PTBP2: variants seen among roughly 807,000 people sequenced by gnomAD.
The protein encoded by PTBP2 is polypyrimidine tract binding protein 2, also known as polypyrimidine tract-binding protein 2.
A neutral mutation model predicts 61.4 loss-of-function variants in PTBP2; 13 were observed. The ratio of observed to expected loss-of-function variants is 0.21; its 90% confidence interval spans 0.14 to 0.34. PTBP2 has a LOEUF of 0.34. Among genes scored for constraint, PTBP2 ranks in the 10% least tolerant of loss-of-function variants. The pLI, the probability that PTBP2 is intolerant of heterozygous loss-of-function variation, is 1.00. For synonymous variants in PTBP2, 215 were observed against 218.5 expected, an observed-to-expected ratio of 0.98 and a Z score of 0.14; for missense variants, 405 against 642.6, an observed-to-expected ratio of 0.63 and a Z score of 4.00.
rs544677496 is a variant in PTBP2, at chr1:96,749,746, A to G, written c.40-1679A>G. Reference sequence around the variant, plus strand: ...ACATTGTACTTGGTTGACACTTGGGAATATTGTAGTGAGCACTACTGATGT... The same window carrying G: ...ACATTGTACTTGGTTGACACTTGGGGATATTGTAGTGAGCACTACTGATGT... On this transcript the variant is annotated intron_variant, in intron 2 of 13. Coordinates refer to ENST00000674951, the MANE Select transcript of PTBP2 (RefSeq NM_021190.4). 2 of 447,004 alleles carry G rather than the reference A, an allele frequency of 4.5e-6. 1 individual carries two copies. Among genetic ancestry groups the G allele is most frequent in the African/African-American group, 4.0e-5 (2 of 50,070 alleles). The allele number at this position is 447,004 out of a possible 1,614,324, so 27.7% of individuals were successfully genotyped here.
intron 2 of PTBP2, among the ~76,000 whole-genome samples, chr1:96,731,836 G>A (rs1651462203): frequency 2.0e-5 from 3 of 152,056 alleles, no homozygotes; most frequent in Admixed American, 2.0e-4. Context: ...TGTAATATCA[G>A]GGGTGTCATT....
intron 2 of PTBP2, among the ~76,000 whole-genome samples, chr1:96,728,026 G>T (rs1212701294): frequency 1.3e-5 from 2 of 151,918 alleles, no homozygotes; most frequent in Admixed American, 6.6e-5. Flanking sequence ...ACCTGACTCT[G>T]TCACCCCAGC....
At chr1:96,799,364 C>T (rs1382472346) in intron 8 of PTBP2, among the ~76,000 whole-genome samples, 2 of 132,114 alleles carry the variant, frequency 1.5e-5, no homozygotes, top group Non-Finnish European at 3.1e-5. Context: ...GGTGCGATCT[C>T]GGCTCACTGC....
At chr1:96,722,931 C>G (rs1311018893) in intron 1 of PTBP2, among the ~76,000 whole-genome samples, 1 of 152,140 alleles carries the variant, frequency 6.6e-6, no homozygotes, top group East Asian at 1.9e-4. Flanking sequence ...GTATGCAGCT[C>G]TTTTGGGAGT....
In PTBP2 at chr1:96,813,291, T is replaced by A; in HGVS notation, c.1482T>A (p.Ala494=). The change falls in exon 14 of 14, where the codon GCT becomes GCA. Residue 494 remains alanine (A), a synonymous_variant. Transcript: ENST00000674951. ...AFKFFQDHKM[A]LLQMATVEEA... is the part of the protein sequence containing the mutation. ...GTTTCAGAAGAGATCACAAAATGGC[T>A]CTTCTTCAGATGGCAACAGTGGAAG... is the stretch of plus-strand genomic sequence containing the variant. The A allele has an allele frequency of 5.6e-6, 9 of 1,602,448 alleles. No individual in the cohort carries two copies. Among genetic ancestry groups the A allele is most frequent in the Non-Finnish European group, 7.6e-6 (9 of 1,176,658 alleles).
rs761961255 is a variant in PTBP2 at position 96,813,046 on chromosome 1, A to G, written c.1406A>G (p.Glu469Gly). Residue 469 changes from glutamate (E) to glycine (G), a missense_variant, in exon 13 of 14, where the codon GAG (glutamate) becomes GGG (glycine). Coordinates refer to ENST00000674951, the MANE Select transcript of PTBP2 (RefSeq NM_021190.4). Reference protein sequence around the residue: ...LSNIPPSVAEEDLRTLFANTG... With the variant: ...LSNIPPSVAEGDLRTLFANTG... ...TTTCCTAGTCCATCAGTAGCAGAAG[A>G]GGATCTACGAACACTGTTCGCTAAC... The G allele has an allele frequency of 1.2e-6, 2 of 1,613,256 alleles. No individual in the cohort carries two copies. Among genetic ancestry groups the G allele is most frequent in the Non-Finnish European group, 1.7e-6 (2 of 1,179,360 alleles).
intron 2 of PTBP2, among the ~76,000 whole-genome samples, chr1:96,737,300 T>C (rs7513314): frequency 0.34 from 51,283 of 152,082 alleles, 8,865 homozygotes; most frequent in South Asian, 0.44. Context: ...ATGTGGCTAA[T>C]AGAAATTTAT....
chr1:96,813,443 T>C lies in PTBP2; in HGVS notation c.*38T>C. 1 of 1,520,012 alleles carries C rather than the reference T, an allele frequency of 6.6e-7. No homozygotes were observed. Among genetic ancestry groups the C allele is most frequent in the Non-Finnish European group, 8.9e-7 (1 of 1,127,484 alleles). 94.2% of individuals were successfully genotyped at this position (1,520,012 alleles called of 1,614,324 possible). ...GAAGATTGGGGGTGAATCACATTGT[T>C]CAATGTCATCACCTATTTGACTGTT... On this transcript the variant is annotated 3_prime_UTR_variant, in exon 14 of 14. Coordinates refer to ENST00000674951, the MANE Select transcript of PTBP2 (RefSeq NM_021190.4).
chr1:96,807,676 G>A (rs958186829), intron 11 of PTBP2, among the ~76,000 whole-genome samples: 2 of 152,106 alleles, frequency 1.3e-5, no homozygotes, highest in Non-Finnish European at 2.9e-5. Context: ...TTGATGTAAG[G>A]ACGAGTGTAT....
chr1:96,797,885 A>G (rs1182709844), intron 8 of PTBP2, among the ~76,000 whole-genome samples: 1 of 152,100 alleles, frequency 6.6e-6, no homozygotes, highest in Non-Finnish European at 1.5e-5. Context: ...TTGAATCGGA[A>G]CCCAGAGATA....
intron 5 of PTBP2, among the ~76,000 whole-genome samples, chr1:96,774,234 CTT>C (rs1477605438): frequency 6.6e-6 from 1 of 152,006 alleles, no homozygotes; most frequent in African/African-American, 2.4e-5. Context: ...AAATTTAGCT[CTT>C]TTGTTAATGA....
At chr1:96,818,997 G>A (rs1358150821), downstream of PTBP2, 1 of 151,974 alleles carries the variant, frequency 6.6e-6, no homozygotes, top group Non-Finnish European at 1.5e-5. Flanking sequence ...TTATGTACAA[G>A]TTGATAGCTT....
In PTBP2 at chr1:96,806,909, G is replaced by C; in HGVS notation, c.1122G>C (p.Lys374Asn). The change falls in exon 11 of 14, where the codon AAG becomes AAC. Residue 374 changes from lysine to asparagine, a missense_variant. By Grantham distance (94) the Lys-to-Asn change is moderately conservative (BLOSUM62 0). Coordinates refer to ENST00000674951, the MANE Select transcript of PTBP2 (RefSeq NM_021190.4). ...DVQRVKILYN[K>N]KDSALIQMAD... ...AGCGTGTGAAGATTTTATACAATAA[G>C]AAAGACAGCGCTCTAATACAGATGG... The C allele has an allele frequency of 6.2e-7, 1 of 1,612,316 alleles. No homozygotes were observed. Among genetic ancestry groups the C allele is most frequent in the African/African-American group, 1.3e-5 (1 of 74,890 alleles).
chr1:96,769,441 C>T (rs1208296383), intron 3 of PTBP2, among the ~76,000 whole-genome samples: 2 of 151,848 alleles, frequency 1.3e-5, no homozygotes, highest in African/African-American at 2.4e-5. Flanking sequence ...AATGTTGTTG[C>T]TTATTAATAA....
intron 8 of PTBP2, among the ~76,000 whole-genome samples, chr1:96,789,921 A>G (rs903365666): frequency 5.3e-5 from 8 of 152,104 alleles, no homozygotes; most frequent in East Asian, 1.9e-4. Flanking sequence ...AGAATTGACA[A>G]TGATTTCTTA....
intron 9 of PTBP2, 77 bp downstream of exon 9, chr1:96,805,016 G>C: frequency 8.0e-7 from 1 of 1,255,590 alleles, no homozygotes; most frequent in Non-Finnish European, 1.1e-6. Context: ...ATTTCATTTT[G>C]CACTTGCCTT....
chr1:96,819,181 T>C (rs776325649), downstream of PTBP2: 3 of 152,090 alleles, frequency 2.0e-5, no homozygotes, highest in South Asian at 2.1e-4. Flanking sequence ...ATAAATAGCT[T>C]TTCTATTAAT....
At chr1:96,801,230 T>A (rs916802208) in intron 8 of PTBP2, among the ~76,000 whole-genome samples, 3 of 152,274 alleles carry the variant, frequency 2.0e-5, no homozygotes, top group East Asian at 3.9e-4. Context: ...GCTTAAAGTT[T>A]GGGAGTGTCA....
intron 2 of PTBP2, among the ~76,000 whole-genome samples, chr1:96,749,415 T>G (rs1044472385): frequency 6.6e-6 from 1 of 152,170 alleles, no homozygotes; most frequent in African/African-American, 2.4e-5. Flanking sequence ...TTAAAGTGTT[T>G]TTGTGAACTA....
Sources: allele counts gnomAD v4.1 joint callset (sites outside exome capture counted in the v4.1 genomes callset), GRCh38; gene constraint gnomAD v4.1.1; transcripts MANE v1.5; gene names NCBI Gene and HGNC (gene_info 2026-07-23, HGNC 2026-07-21).